ARHGEF37: variants seen among roughly 807,000 people sequenced by gnomAD.
ARHGEF37 encodes the protein Rho guanine nucleotide exchange factor (GEF) 37.
A neutral mutation model predicts 71.1 loss-of-function variants in ARHGEF37; 55 were observed. That is an observed-to-expected ratio of 0.77 (90% confidence interval 0.62 to 0.97). The LOEUF (loss-of-function observed/expected upper bound fraction) is 0.97. Ranked by LOEUF, ARHGEF37 falls within the 50% of genes least tolerant of loss-of-function variation. The probability of loss-of-function intolerance (pLI) is 0.00; values close to 1 mark genes in which losing one functional copy is unlikely to be tolerated. For synonymous variants in ARHGEF37, 327 were observed against 350.6 expected (o/e 0.93, Z 0.75); for missense variants, 765 against 836.8 (o/e 0.91, Z 1.06).
chr5:149,609,818 G>A (rs1016270049), intron 4 of ARHGEF37, 123 bp downstream of exon 4: 2 of 1,365,872 alleles, frequency 1.5e-6, no homozygotes, highest in Non-Finnish European at 2.0e-6. Flanking sequence ...GTCAGAGCCT[G>A]TGTTAGTCAG....
intron 1 of ARHGEF37, among the ~76,000 whole-genome samples, chr5:149,575,912 G>T (rs1180033307): frequency 6.6e-6 from 1 of 151,036 alleles, no homozygotes; most frequent in Non-Finnish European, 1.5e-5. Context: ...AAATTAGCTG[G>T]GCGTGTTGGC....
chr5:149,607,144 CCA>C (rs1204837279), intron 3 of ARHGEF37, among the ~76,000 whole-genome samples: 1 of 152,310 alleles, frequency 6.6e-6, no homozygotes, highest in Non-Finnish European at 1.5e-5. Flanking sequence ...CTCAAGTGAT[CCA>C]CCCGCCTTGG....
chr5:149,594,404 T>C (rs1763489548), intron 1 of ARHGEF37, among the ~76,000 whole-genome samples: 1 of 152,192 alleles, frequency 6.6e-6, no homozygotes, highest in South Asian at 2.1e-4. Context: ...CGGGGTGTGT[T>C]TGGGAGCCAG....
intron 4 of ARHGEF37, among the ~76,000 whole-genome samples, chr5:149,610,433 G>A (rs555672330): frequency 6.6e-5 from 10 of 152,286 alleles, no homozygotes; most frequent in Admixed American, 3.9e-4. Flanking sequence ...TTAAATTTTC[G>A]AATGGGTAAC....
intron 9 of ARHGEF37, among the ~76,000 whole-genome samples, chr5:149,622,728 T>TA (rs971958129): frequency 7.9e-5 from 12 of 152,266 alleles, no homozygotes; most frequent in African/African-American, 2.4e-4. Context: ...AAAGCATAAA[T>TA]AGGTTCCACA....
At chr5:149,626,059 A>G (rs1752675657) in intron 10 of ARHGEF37, among the ~76,000 whole-genome samples, 1 of 152,194 alleles carries the variant, frequency 6.6e-6, no homozygotes, top group Non-Finnish European at 1.5e-5. Context: ...CCTCGTCTCT[A>G]CATTCCTGTT....
At chr5:149,625,824 C>T (rs1752668805) in intron 10 of ARHGEF37, among the ~76,000 whole-genome samples, 1 of 151,394 alleles carries the variant, frequency 6.6e-6, no homozygotes, top group Non-Finnish European at 1.5e-5. Flanking sequence ...GGTATAGAAC[C>T]CAGCACAAGT....
intron 1 of ARHGEF37, among the ~76,000 whole-genome samples, chr5:149,570,164 C>T (rs1762945365): frequency 6.6e-6 from 1 of 152,150 alleles, no homozygotes; most frequent in Admixed American, 6.5e-5. Context: ...ATTTTTAAAA[C>T]ACCTACTAAA....
intron 10 of ARHGEF37, 123 bp from the exon 11 acceptor site, chr5:149,626,953 C>T: frequency 1.1e-6 from 1 of 947,562 alleles, no homozygotes; most frequent in Admixed American, 2.5e-5. Flanking sequence ...AGGGTGGGCC[C>T]TTCAGTGGCA....
At chr5:149,601,382 C>A in intron 3 of ARHGEF37, 151 bp downstream of exon 3, 3 of 882,278 alleles carry the variant, frequency 3.4e-6, no homozygotes, top group Non-Finnish European at 4.9e-6. Context: ...CATATCAGAG[C>A]CAGCAGGGCC....
rs1043984237 is a variant in ARHGEF37, at chr5:149,633,584, C to T, written c.*1393C>T. ...GTCATGTCTAGGCTGTTGCTCTGGG[C>T]AAAGATAAGTTGCAAGATTCACAGA... is the stretch of plus-strand genomic sequence containing the variant. On this transcript the variant is annotated 3_prime_UTR_variant, in exon 13 of 13. Transcript: ENST00000333677. The T allele has an allele frequency of 2.6e-5, 4 of 152,130 alleles. No homozygotes were observed. The highest frequency in any genetic ancestry group is 9.7e-5 in the African/African-American group (4 of 41,414). 9.4% of individuals were successfully genotyped at this position (152,130 alleles called of 1,614,324 possible).
chr5:149,565,779 G>C (rs1308774210), intron 1 of ARHGEF37, among the ~76,000 whole-genome samples: 3 of 148,500 alleles, frequency 2.0e-5, no homozygotes, highest in Non-Finnish European at 4.5e-5. Flanking sequence ...ACTTGGTGAG[G>C]ACATGTGATT....
chr5:149,582,690 T>C (rs1462667698), intron 1 of ARHGEF37, among the ~76,000 whole-genome samples: 27 of 152,026 alleles, frequency 1.8e-4, no homozygotes, highest in Non-Finnish European at 5.9e-5. Flanking sequence ...TTTAAAGTGA[T>C]GGATATCCCA....
chr5:149,604,828 G>A lies in ARHGEF37; in HGVS notation c.310+3597G>A, dbSNP rs567487242. Among the ~76,000 whole-genome samples the A allele has an allele frequency of 4.0e-5, 6 of 151,658 alleles. No homozygotes were observed. In the South Asian group the frequency reaches 1.0e-3, roughly 27 times the overall value. On this transcript the variant is annotated intron_variant, in intron 3 of 12. Coordinates refer to ENST00000333677, the MANE Select transcript of ARHGEF37 (RefSeq NM_001001669.3). Reference sequence around the variant, plus strand: ...CTGCCAGGTAGCTGGGATTACAGGCGTGCGCCACCACGCCCGGCTAATTTT... The same window carrying A: ...CTGCCAGGTAGCTGGGATTACAGGCATGCGCCACCACGCCCGGCTAATTTT...
rs558335280 is a variant in ARHGEF37, at chr5:149,602,621, A to C, written c.310+1390A>C. Among the ~76,000 whole-genome samples, 9 of 151,526 alleles carry C rather than the reference A, an allele frequency of 5.9e-5. No homozygotes were observed. The East Asian group carries it at 1.2e-3, about 20-fold the overall frequency. On this transcript the variant is annotated intron_variant, in intron 3 of 12. Coordinates refer to ENST00000333677, the MANE Select transcript of ARHGEF37 (RefSeq NM_001001669.3). The stretch of plus-strand genomic sequence containing the variant: ...CCTGCCTCAGCCTCCTGAGGAGGAT[A>C]GTCTTCTTATTCTGAAATGGTTAGG...
At chr5:149,610,737 G>A (rs1175498974) in intron 4 of ARHGEF37, among the ~76,000 whole-genome samples, 2 of 152,210 alleles carry the variant, frequency 1.3e-5, no homozygotes, top group African/African-American at 2.4e-5. Flanking sequence ...GAAGCAAGGT[G>A]CCAGAGATGA....
chr5:149,554,889 T>C (rs1208507365), intron 1 of ARHGEF37, among the ~76,000 whole-genome samples: 1 of 152,034 alleles, frequency 6.6e-6, no homozygotes, highest in Non-Finnish European at 1.5e-5. Flanking sequence ...TCCCAGCACT[T>C]TGGGAGGCCA....
chr5:149,564,766 G>A (rs1441043591), intron 1 of ARHGEF37, among the ~76,000 whole-genome samples: 3 of 152,178 alleles, frequency 2.0e-5, no homozygotes, highest in Admixed American at 6.5e-5. Flanking sequence ...GGAGGTTGCC[G>A]TGAACCGAGA....
chr5:149,595,312 A>T (rs960725890), intron 1 of ARHGEF37, among the ~76,000 whole-genome samples: 2 of 152,068 alleles, frequency 1.3e-5, no homozygotes, highest in Non-Finnish European at 2.9e-5. Flanking sequence ...AGTAGCTGGG[A>T]CCACAGGCAT....
Sources: gnomAD v4.1 joint callset for allele counts (sites outside exome capture counted in the v4.1 genomes callset) on GRCh38, gnomAD v4.1.1 for gene constraint, MANE v1.5 for transcripts, NCBI Gene and HGNC (gene_info 2026-07-23, HGNC 2026-07-21) for gene names.